The following BRD10 variants were observed in gnomAD, a reference collection of about 807,000 sequenced individuals.
The protein encoded by BRD10 is uncharacterized bromodomain-containing protein 10.
At chr9:5,942,874 T>A in the BRD10 span, among the ~76,000 whole-genome samples, 1 of 152,156 alleles carries the variant, frequency 6.6e-6, no homozygotes, top group Non-Finnish European at 1.5e-5. Context: ...TTGTAGTTTA[T>A]GCTTTCTTCT....
the BRD10 span, among the ~76,000 whole-genome samples, chr9:5,991,594 G>A: frequency 6.6e-6 from 1 of 151,848 alleles, no homozygotes; most frequent in African/African-American, 2.4e-5. Context: ...CTGATGGCAC[G>A]TGCACCTGTA....
At chr9:5,955,074 G>A in the BRD10 span, among the ~76,000 whole-genome samples, 1 of 151,946 alleles carries the variant, frequency 6.6e-6, no homozygotes, top group African/African-American at 2.4e-5. Context: ...GGCAACAATA[G>A]TGAAACTCTG....
the BRD10 span, among the ~76,000 whole-genome samples, chr9:5,886,863 C>T: frequency 6.6e-6 from 1 of 152,216 alleles, no homozygotes; most frequent in Admixed American, 6.5e-5. Flanking sequence ...ATCCTGTTCA[C>T]ATAGCCCTGA....
chr9:5,972,256 G>T, the BRD10 span, among the ~76,000 whole-genome samples: 2 of 152,054 alleles, frequency 1.3e-5, no homozygotes, highest in Non-Finnish European at 2.9e-5. Context: ...AGGACACAAG[G>T]AATACAATGT....
chr9:5,888,011 G>A, the BRD10 span, among the ~76,000 whole-genome samples: 2 of 152,166 alleles, frequency 1.3e-5, no homozygotes, highest in South Asian at 2.1e-4. Context: ...CCCTTACACA[G>A]GACAGCCTTT....
chr9:5,968,096 A>T, the BRD10 span: 2 of 1,566,858 alleles, frequency 1.3e-6, no homozygotes, highest in Non-Finnish European at 1.7e-6. Context: ...GTAAGACTTG[A>T]ATGCAAGAGA....
chr9:5,881,772 C>G, the BRD10 span: 1 of 151,974 alleles, frequency 6.6e-6, no homozygotes, highest in South Asian at 2.1e-4. Context: ...CTGAAACAGA[C>G]AATTGTTCTT....
chr9:5,895,500 G>A, the BRD10 span, among the ~76,000 whole-genome samples: 2 of 152,182 alleles, frequency 1.3e-5, no homozygotes, highest in Admixed American at 6.5e-5. Flanking sequence ...AATTGTGCCA[G>A]CAGGTGGAAT....
At chr9:5,994,800 T>G in the BRD10 span, among the ~76,000 whole-genome samples, 1 of 152,216 alleles carries the variant, frequency 6.6e-6, no homozygotes, top group East Asian at 1.9e-4. Context: ...TGTCTAACTA[T>G]AACCTCAGCT....
the BRD10 span, among the ~76,000 whole-genome samples, chr9:5,918,170 C>A: frequency 6.6e-6 from 1 of 152,102 alleles, no homozygotes. Flanking sequence ...GCATAAATAG[C>A]GGTTTCTGAG....
At chr9:5,941,616 C>T in the BRD10 span, among the ~76,000 whole-genome samples, 1 of 152,128 alleles carries the variant, frequency 6.6e-6, no homozygotes, top group African/African-American at 2.4e-5. Context: ...TTTCTCTTCA[C>T]ATTAACCATA....
the BRD10 span, chr9:5,924,716 A>T: frequency 1.9e-6 from 3 of 1,600,560 alleles, no homozygotes; most frequent in Non-Finnish European, 2.6e-6. Flanking sequence ...CTATAGACTT[A>T]CTGATTTCTC....
the BRD10 span, chr9:5,897,657 G>A: frequency 1.2e-6 from 2 of 1,612,368 alleles, no homozygotes; most frequent in Admixed American, 3.3e-5. Context: ...CTTGATGGTT[G>A]GTAAAGTTCC....
the BRD10 span, among the ~76,000 whole-genome samples, chr9:5,938,804 G>A: frequency 6.6e-6 from 1 of 152,218 alleles, no homozygotes; most frequent in East Asian, 1.9e-4. Flanking sequence ...TTTACCAGAA[G>A]ATCTAGAATA....
At chr9:5,968,345 G>C in the BRD10 span, 1 of 1,609,866 alleles carries the variant, frequency 6.2e-7, no homozygotes. Flanking sequence ...TAATGGACTG[G>C]GTTCAATCTT....
the BRD10 span, among the ~76,000 whole-genome samples, chr9:5,966,664 T>TAATA: frequency 2.6e-5 from 4 of 152,056 alleles, no homozygotes; most frequent in African/African-American, 9.6e-5. Context: ...TTCACCATAT[T>TAATA]GGCCAGGCTG....
chr9:5,921,848 C>T, the BRD10 span: 3 of 1,613,940 alleles, frequency 1.9e-6, no homozygotes, highest in South Asian at 2.2e-5. Context: ...TATCACGTGG[C>T]CCAAATCACC....
At chr9:5,930,459 T>G in the BRD10 span, among the ~76,000 whole-genome samples, 1 of 151,252 alleles carries the variant, frequency 6.6e-6, no homozygotes, top group Non-Finnish European at 1.5e-5. Flanking sequence ...AGTACAGTTT[T>G]ACAAAAAATA....
chr9:5,975,513 C>T, the BRD10 span, among the ~76,000 whole-genome samples: 1 of 147,012 alleles, frequency 6.8e-6, no homozygotes, highest in Non-Finnish European at 1.5e-5. Flanking sequence ...TATATTATTC[C>T]ATTTGGTCAA....
Sources: allele counts gnomAD v4.1 joint callset (sites outside exome capture counted in the v4.1 genomes callset), GRCh38; gene constraint gnomAD v4.1.1; transcripts MANE v1.5; gene names NCBI Gene and HGNC (gene_info 2026-07-23, HGNC 2026-07-21).